Variants in FOXJ3 observed in about 807,000 individuals in gnomAD.
FOXJ3 encodes forkhead box protein J3.
In FOXJ3, 22 loss-of-function variants were observed where a neutral mutation model predicts 76.1. The ratio of observed to expected loss-of-function variants is 0.29; its 90% CI spans 0.21 to 0.41. The LOEUF (loss-of-function observed/expected upper bound fraction) is 0.41. FOXJ3 is among the 10% of genes least tolerant of loss of function. FOXJ3 has a pLI of 1.00. For missense variants in FOXJ3, 613 were observed against 762.1 expected (o/e 0.80, Z 2.30); for synonymous variants, 269 against 261.2 (o/e 1.03, Z -0.29).
chr1:42,327,882 C>T (rs530160940), intron 1 of FOXJ3, among the ~76,000 whole-genome samples: 5 of 152,308 alleles, frequency 3.3e-5, no homozygotes, highest in Non-Finnish European at 5.9e-5. Flanking sequence ...GACTGAAAGT[C>T]AGTTTACTGG....
Position 42,309,001 on chromosome 1 carries a change from C to CAA in FOXJ3, c.44+2047_44+2048dup, listed in dbSNP as rs59583552. 3.2e-4 allele frequency among the ~76,000 whole-genome samples: 33 copies of CAA among 103,834 alleles called. 2 individuals are homozygous for CAA. Among genetic ancestry groups the CAA allele is most frequent in the African/African-American group, 1.1e-3 (29 of 26,900 alleles). The allele number at this position is 103,834 out of a possible 152,430, so 68.1% of individuals were successfully genotyped here. A position where few individuals can be genotyped will look rare whatever the true frequency, so the allele number is the denominator to read the frequency against. ...TAAAGAAATAACAACAGTCGTTTTA[C>CAA]AAAAAAAAAAAAAAAAATGCTTTTC... On this transcript the variant is annotated intron_variant, in intron 2 of 12. Transcript: ENST00000361346.
At chr1:42,305,209 T>A (rs1654382683) in intron 2 of FOXJ3, among the ~76,000 whole-genome samples, 1 of 152,168 alleles carries the variant, frequency 6.6e-6, no homozygotes, top group African/African-American at 2.4e-5. Context: ...TCACCCCAGA[T>A]AAAATGGCTT....
At chr1:42,311,162 A>G (rs1406809685) in intron 1 of FOXJ3, 52 bp from the exon 2 acceptor site, 15 of 1,145,762 alleles carry the variant, frequency 1.3e-5, no homozygotes, top group African/African-American at 7.9e-5. Context: ...AAATTAAACC[A>G]TAAGTCTCAC....
At chr1:42,240,020 A>C (rs1200408783) in intron 4 of FOXJ3, among the ~76,000 whole-genome samples, 1 of 152,192 alleles carries the variant, frequency 6.6e-6, no homozygotes, top group Admixed American at 6.5e-5. Context: ...GATTTGCCAA[A>C]TATTTGTGTG....
At chr1:42,318,368 T>C (rs1042487442) in intron 1 of FOXJ3, among the ~76,000 whole-genome samples, 1 of 152,118 alleles carries the variant, frequency 6.6e-6, no homozygotes, top group Non-Finnish European at 1.5e-5. Context: ...GGAGATGGAG[T>C]TTCGCTCTTG....
In FOXJ3 at chr1:42,227,871, A is replaced by G; in HGVS notation, c.528+12T>C. ...AATGCATTACACTAAATTTATGATA[A>G]AGAGCCTTTACCCGTTCTACAGATC... is the stretch of plus-strand genomic sequence containing the variant. On this transcript the variant is annotated intron_variant, in intron 5 of 12. Coordinates refer to ENST00000361346, the MANE Select transcript of FOXJ3 (RefSeq NM_014947.5). The G allele has an allele frequency of 6.7e-7, 1 of 1,496,232 alleles. No individual in the cohort carries two copies. The highest frequency in any genetic ancestry group is 9.1e-7 in the Non-Finnish European group (1 of 1,093,778). 92.7% of individuals were successfully genotyped at this position (1,496,232 alleles called of 1,614,324 possible).
At position 42,199,102 on chromosome 1, in the gene FOXJ3, C is replaced by T. The variant is rs779826349; in HGVS notation, c.759G>A (p.Pro253=). 8.1e-6 allele frequency: 13 copies of T among 1,610,814 alleles called. No individual in the cohort carries two copies. Among genetic ancestry groups the T allele is most frequent in the Admixed American group, 1.7e-5 (1 of 59,826 alleles). Reference sequence around the variant, plus strand: ...ACATGTTAACTTCATCAAGACTTACCGGTGTATAACTATGCACACTTCCAA... The same window carrying T: ...ACATGTTAACTTCATCAAGACTTACTGGTGTATAACTATGCACACTTCCAA... ...NSVGSVHSYT[P]VTSHPESVSQ... The change falls in exon 7 of 13, where the codon CCG becomes CCA. Residue 253 remains proline (P), a splice_region_variant and synonymous_variant. Coordinates refer to ENST00000361346, the MANE Select transcript of FOXJ3 (RefSeq NM_014947.5).
intron 6 of FOXJ3, among the ~76,000 whole-genome samples, chr1:42,203,793 TGA>T (rs1246001175): frequency 2.6e-5 from 4 of 151,988 alleles, no homozygotes; most frequent in South Asian, 4.2e-4. Flanking sequence ...GTCAGGAGTT[TGA>T]GACCAGCCTG....
chr1:42,206,385 G>T (rs1323423838), intron 5 of FOXJ3, among the ~76,000 whole-genome samples: 2 of 152,228 alleles, frequency 1.3e-5, no homozygotes, highest in Admixed American at 1.3e-4. Context: ...ATTTAAGACA[G>T]ATATGGTGGT....
intron 7 of FOXJ3, 93 bp from the exon 8 acceptor site, chr1:42,195,157 T>A (rs550388326): frequency 7.4e-6 from 7 of 941,826 alleles, no homozygotes; most frequent in Non-Finnish European, 9.3e-6. Context: ...AGTGTCAACA[T>A]TGGAATTCAA....
At chr1:42,255,437 G>A (rs1337573140) in intron 4 of FOXJ3, among the ~76,000 whole-genome samples, 1 of 152,060 alleles carries the variant, frequency 6.6e-6, no homozygotes, top group Non-Finnish European at 1.5e-5. Context: ...AACCCCAAAG[G>A]TTGCAGAAAT....
chr1:42,242,533 G>C (rs998018075), intron 4 of FOXJ3, among the ~76,000 whole-genome samples: 9 of 147,178 alleles, frequency 6.1e-5, no homozygotes, highest in African/African-American at 2.0e-4. Flanking sequence ...CTCAGAACTT[G>C]ATGAGAGATC....
intron 4 of FOXJ3, among the ~76,000 whole-genome samples, chr1:42,237,476 G>GTA (rs147120265): frequency 0.053 from 7,137 of 133,478 alleles, 340 homozygotes; most frequent in African/African-American, 0.13. Context: ...ACATATATAT[G>GTA]TATATATATA....
At chr1:42,334,142 G>A in intron 1 of FOXJ3, 1 of 980,710 alleles carries the variant, frequency 1.0e-6, no homozygotes, top group Non-Finnish European at 1.2e-6. Context: ...ACACCTGAAT[G>A]CATCGGTAGC....
At chr1:42,197,798 A>C (rs1646681839) in intron 7 of FOXJ3, among the ~76,000 whole-genome samples, 1 of 152,032 alleles carries the variant, frequency 6.6e-6, no homozygotes, top group East Asian at 1.9e-4. Context: ...TGCATGCCAC[A>C]ATGCCTGGCT....
chr1:42,272,525 A>T (rs1200798190), intron 3 of FOXJ3, among the ~76,000 whole-genome samples: 1 of 152,258 alleles, frequency 6.6e-6, no homozygotes, highest in African/African-American at 2.4e-5. Flanking sequence ...GAAATATTAA[A>T]AGTCTGCCTA....
intron 8 of FOXJ3, among the ~76,000 whole-genome samples, chr1:42,194,268 T>C (rs1006318951): frequency 2.0e-5 from 3 of 152,202 alleles, no homozygotes; most frequent in African/African-American, 7.2e-5. Context: ...ACCCTCTGAT[T>C]AAAATTAAAC....
intron 4 of FOXJ3, among the ~76,000 whole-genome samples, chr1:42,238,320 C>A (rs1338442396): frequency 2.0e-5 from 3 of 152,162 alleles, no homozygotes. Flanking sequence ...GGCATGGCCA[C>A]CATGCCCAGC....
At chr1:42,333,769 T>C (rs1656297949) in intron 1 of FOXJ3, among the ~76,000 whole-genome samples, 1 of 150,626 alleles carries the variant, frequency 6.6e-6, no homozygotes, top group Non-Finnish European at 1.5e-5. Flanking sequence ...AAAAAAAGAG[T>C]GTGCAATGGG....
Sources: gnomAD v4.1 joint callset for allele counts (sites outside exome capture counted in the v4.1 genomes callset) on GRCh38, gnomAD v4.1.1 for gene constraint, MANE v1.5 for transcripts, NCBI Gene and HGNC (gene_info 2026-07-23, HGNC 2026-07-21) for gene names.